The following WNT2B variants were observed in gnomAD, a reference collection of about 807,000 sequenced individuals.
The protein encoded by WNT2B is protein Wnt-2b.
A neutral mutation model predicts 40.5 loss-of-function variants in WNT2B; 19 were observed. The observed-to-expected ratio is 0.47, with a 90% CI of 0.33 to 0.69. The LOEUF (loss-of-function observed/expected upper bound fraction) is 0.69. WNT2B is among the 30% of genes least tolerant of loss of function. The pLI, the probability that WNT2B is intolerant of heterozygous loss-of-function variation, is 0.02. For synonymous variants in WNT2B, 220 were observed against 211.9 expected (o/e 1.04, Z -0.33); for missense variants, 467 against 556.4 (o/e 0.84, Z 1.62).
At position 112,515,849 on chromosome 1, in the gene WNT2B, C is replaced by A. The variant is rs1408504739; in HGVS notation, c.404-291C>A. On this transcript the variant is annotated intron_variant, in intron 2 of 4. Transcript: ENST00000369684. This position sits in a 1 kb window ranked among gnomAD's most constrained non-coding sequence, Gnocchi z 4.4. ...TGGGAGGGGATGATTCACCAGGAGA[C>A]TTTTCAATGGATGGACACAGGGAAT... 6.6e-6 allele frequency among the ~76,000 whole-genome samples: 1 copy of A among 152,148 alleles called. No individual in the cohort carries two copies. The highest frequency in any genetic ancestry group is 1.5e-5 in the Non-Finnish European group (1 of 68,038).
At chr1:112,480,400 C>T (rs534374385) in intron 1 of WNT2B, among the ~76,000 whole-genome samples, 3 of 149,860 alleles carry the variant, frequency 2.0e-5, no homozygotes, top group Non-Finnish European at 3.0e-5. Context: ...ACAGTACAAC[C>T]GATACCACAG....
chr1:112,484,742 G>GAA (rs758966099), intron 1 of WNT2B, among the ~76,000 whole-genome samples: 2 of 121,682 alleles, frequency 1.6e-5, no homozygotes, highest in Non-Finnish European at 3.5e-5. Context: ...ACTCCCTCTT[G>GAA]AAAAAAAAAA....
intron 1 of WNT2B, among the ~76,000 whole-genome samples, chr1:112,503,292 G>T (rs973212860): frequency 1.3e-5 from 2 of 152,246 alleles, no homozygotes; most frequent in East Asian, 3.9e-4. Context: ...TACCCTACTT[G>T]TTTCACCAGT....
chr1:112,467,787 T>TTATCATTTCTATGTGTTGG (rs1553229056), intron 1 of WNT2B, among the ~76,000 whole-genome samples: 9 of 152,226 alleles, frequency 5.9e-5, no homozygotes, highest in African/African-American at 1.7e-4. Flanking sequence ...CCTTGAGTAT[T>TTATCATTTCTATGTGTTGG]TATCATTTCT....
In WNT2B at chr1:112,494,020, C is replaced by T. The variant is rs114359725; in HGVS notation, c.-94-20854C>T. Among the ~76,000 whole-genome samples the T allele has an allele frequency of 3.0e-3, 454 of 151,736 alleles. 2 individuals carry two copies. The highest frequency in any genetic ancestry group is 0.01 in the African/African-American group (429 of 41,336). ...TATAGAGAAGCAAAGATAAAAAGTA[C>T]ATCTACCGGCCAGGCGCGGTGGCTC... On this transcript the variant is annotated intron_variant, in intron 1 of 4. Transcript: ENST00000256640.
At chr1:112,467,689 G>T in intron 1 of WNT2B, 1 of 687,810 alleles carries the variant, frequency 1.5e-6, no homozygotes, top group South Asian at 1.7e-5. Context: ...GGGTATATAT[G>T]ATCATATACG....
chr1:112,524,194 C>T lies in WNT2B; in HGVS notation c.*3685C>T, dbSNP rs1409293862. 1 of 152,522 alleles carries T rather than the reference C, an allele frequency of 6.6e-6. No homozygotes were observed. Among genetic ancestry groups the T allele is most frequent in the East Asian group, 1.9e-4 (1 of 5,198 alleles). The allele number at this position is 152,522 out of a possible 1,614,324, so 9.4% of individuals were successfully genotyped here. A position where few individuals can be genotyped will look rare whatever the true frequency, so the allele number is the denominator to read the frequency against. ...CCAACCAGTAAGTCTTTGCCAAATT[C>T]TCAGACCCACTCAGGACACGAGTCT... On this transcript the variant is annotated 3_prime_UTR_variant, in exon 5 of 5. Transcript: ENST00000369684.
chr1:112,514,605 T>C (rs1379326274), intron 1 of WNT2B: 1 of 534,164 alleles, frequency 1.9e-6, no homozygotes, highest in Non-Finnish European at 3.4e-6. Flanking sequence ...GCCTAGCCTG[T>C]GTTCTGGGAG....
chr1:112,525,276 G>A lies in WNT2B; in HGVS notation c.*4767G>A, dbSNP rs1653228578. ...CAGGGATGATCTCCATAAGAGAGAA[G>A]CACTGGAAAAGACCAAGTGGTGGCT... On this transcript the variant is annotated 3_prime_UTR_variant, in exon 5 of 5. Transcript: ENST00000369684. 1 of 152,194 alleles carries A rather than the reference G, an allele frequency of 6.6e-6. No homozygotes were observed. The highest frequency in any genetic ancestry group is 6.5e-5 in the Admixed American group (1 of 15,280). 9.4% of individuals were successfully genotyped at this position (152,194 alleles called of 1,614,324 possible).
chr1:112,479,485 A>T (rs1002553591), intron 1 of WNT2B, among the ~76,000 whole-genome samples: 17 of 151,524 alleles, frequency 1.1e-4, no homozygotes, highest in African/African-American at 4.1e-4. Flanking sequence ...GAGGCAGGAG[A>T]ATCGCTGGAA....
rs1178684772 is a variant in WNT2B, at chr1:112,525,846, T to G, written c.*5337T>G. ...CCTTTTTGACAGCTTCCAAGGGGGG[T>G]TTGCCTAGGAATAACAATATTCATA... is the stretch of plus-strand genomic sequence containing the variant. On this transcript the variant is annotated 3_prime_UTR_variant, in exon 5 of 5. Transcript: ENST00000369684. 9.2e-6 allele frequency: 8 copies of G among 867,656 alleles called. No homozygotes were observed. The highest frequency in any genetic ancestry group is 6.2e-5 in the Admixed American group (2 of 32,048). The allele number at this position is 867,656 out of a possible 1,614,324, so 53.7% of individuals were successfully genotyped here. A position where few individuals can be genotyped will look rare whatever the true frequency, so the allele number is the denominator to read the frequency against.
Position 112,524,866 on chromosome 1 carries a change from G to A in WNT2B, c.*4357G>A, listed in dbSNP as rs536955853. The A allele has an allele frequency of 2.0e-5, 3 of 152,186 alleles. No homozygotes were observed. Among genetic ancestry groups the A allele is most frequent in the African/African-American group, 7.2e-5 (3 of 41,508 alleles). The allele number at this position is 152,186 out of a possible 1,614,324, so 9.4% of individuals were successfully genotyped here. Reference sequence around the variant, plus strand: ...CAACAATTAAAAAAAAAAGCAATTAGATTTCGATCCAGTACTTCAAAAAGG... The same window carrying A: ...CAACAATTAAAAAAAAAAGCAATTAAATTTCGATCCAGTACTTCAAAAAGG... On this transcript the variant is annotated 3_prime_UTR_variant, in exon 5 of 5. Transcript: ENST00000369684.
At chr1:112,487,776 T>C (rs1244408432) in intron 1 of WNT2B, among the ~76,000 whole-genome samples, 4 of 150,898 alleles carry the variant, frequency 2.7e-5, no homozygotes, top group Non-Finnish European at 5.9e-5. Flanking sequence ...CTACTAAAAT[T>C]ACAAAAATTA....
chr1:112,501,487 G>A (rs1158607274), intron 1 of WNT2B, among the ~76,000 whole-genome samples: 1 of 152,178 alleles, frequency 6.6e-6, no homozygotes, highest in Non-Finnish European at 1.5e-5. Flanking sequence ...TAGGAAATTT[G>A]TCTCTTCTCC....
intron 1 of WNT2B, among the ~76,000 whole-genome samples, chr1:112,478,481 C>T (rs972158169): frequency 5.3e-5 from 8 of 151,898 alleles, no homozygotes; most frequent in Non-Finnish European, 1.0e-4. Flanking sequence ...TAACTGATCA[C>T]ATATAAGGGA....
In WNT2B at chr1:112,524,330, G is replaced by C. The variant is rs934173405; in HGVS notation, c.*3821G>C. The C allele has an allele frequency of 3.9e-5, 6 of 152,560 alleles. No individual in the cohort carries two copies. Among genetic ancestry groups the C allele is most frequent in the Non-Finnish European group, 7.3e-5 (5 of 68,034 alleles). 9.5% of individuals were successfully genotyped at this position (152,560 alleles called of 1,614,324 possible). On this transcript the variant is annotated 3_prime_UTR_variant, in exon 5 of 5. Transcript: ENST00000369684. ...ATAGGGCAGAAGCTCAAGCTAGCTGGGGCGAAGGGAGGACGCCAGGGAGAG... is the reference window on the plus strand; with the variant it reads ...ATAGGGCAGAAGCTCAAGCTAGCTGCGGCGAAGGGAGGACGCCAGGGAGAG...
At position 112,478,496 on chromosome 1, in the gene WNT2B, C is replaced by T. The variant is rs544266133; in HGVS notation, c.-95+10905C>T. Among the ~76,000 whole-genome samples, 12 of 151,910 alleles carry T rather than the reference C, an allele frequency of 7.9e-5. No individual in the cohort carries two copies. In the South Asian group the frequency reaches 1.7e-3, roughly 21 times the overall value. ...TAACTGATCACATATAAGGGAGACTCGATGGGACTATTGGAAGATTTCTCA... is the reference window on the plus strand; with the variant it reads ...TAACTGATCACATATAAGGGAGACTTGATGGGACTATTGGAAGATTTCTCA... On this transcript the variant is annotated intron_variant, in intron 1 of 4. Coordinates refer to the WNT2B transcript ENST00000256640.
intron 4 of WNT2B, among the ~76,000 whole-genome samples, chr1:112,519,956 C>G (rs1220688430): frequency 6.7e-6 from 1 of 150,250 alleles, no homozygotes; most frequent in Admixed American, 6.7e-5. Context: ...TCACTGCAGC[C>G]TCGACCTCCC....
intron 1 of WNT2B, among the ~76,000 whole-genome samples, chr1:112,484,078 T>C (rs1349947625): frequency 2.0e-5 from 3 of 148,096 alleles, no homozygotes; most frequent in Non-Finnish European, 4.5e-5. Flanking sequence ...CTGAGCAACA[T>C]AGTGAGACTT....
Sources: allele counts gnomAD v4.1 joint callset (sites outside exome capture counted in the v4.1 genomes callset), GRCh38; gene constraint gnomAD v4.1.1; non-coding constraint Gnocchi (gnomAD v3.1); transcripts MANE v1.5; gene names NCBI Gene and HGNC (gene_info 2026-07-23, HGNC 2026-07-21).